USF3: variants seen among roughly 807,000 people sequenced by gnomAD.
USF3 encodes the protein basic helix-loop-helix domain-containing protein USF3.
Under a neutral mutation model 157.5 loss-of-function variants are expected in USF3, and 29 were observed. The ratio of observed to expected loss-of-function variants is 0.18; its 90% confidence interval spans 0.14 to 0.25. The LOEUF (loss-of-function observed/expected upper bound fraction) is 0.25, where lower values mean the gene tolerates loss of function less well. Ranked by LOEUF, USF3 falls within the 10% of genes least tolerant of loss-of-function variation. USF3 has a pLI of 1.00. For synonymous variants in USF3, 893 were observed against 941.4 expected, an observed-to-expected ratio of 0.95 and a Z score of 0.94; for missense variants, 2,381 against 2,667.6, an observed-to-expected ratio of 0.89 and a Z score of 2.37.
At chr3:113,693,772 G>GT (rs941347996) in intron 1 of USF3, among the ~76,000 whole-genome samples, 2 of 152,218 alleles carry the variant, frequency 1.3e-5, no homozygotes, top group African/African-American at 4.8e-5. Context: ...AAGAACTAGA[G>GT]TAAGCTATCC....
Position 113,659,429 on chromosome 3 carries a change from AAC to A in USF3, c.2251_2252del (p.Val751PhefsTer14), listed in dbSNP as rs1356576183. ...GAGGTGCTGCAGTTGTTGTTAATGAAACACAGTTAGCTGTAGTGGTTTGACTA... is the reference window on the plus strand; with the variant it reads ...GAGGTGCTGCAGTTGTTGTTAATGAAACAGTTAGCTGTAGTGGTTTGACTA... ...ANSQTTTANC[V>X]SLTTTAAPPV... On this transcript the variant is annotated frameshift_variant, in exon 7 of 7. Coordinates refer to ENST00000316407, the MANE Select transcript of USF3 (RefSeq NM_001009899.4). LOFTEE classifies it high-confidence loss of function. 1 of 1,614,232 alleles carries A rather than the reference AAC, an allele frequency of 6.2e-7. No homozygotes were observed. Among genetic ancestry groups the A allele is most frequent in the Admixed American group, 1.7e-5 (1 of 60,030 alleles).
intron 5 of USF3, among the ~76,000 whole-genome samples, chr3:113,667,443 T>C (rs1246559661): frequency 6.6e-6 from 1 of 152,230 alleles, no homozygotes; most frequent in Non-Finnish European, 1.5e-5. Context: ...AAGTAAGATT[T>C]TCCTGGGCAA....
intron 1 of USF3, among the ~76,000 whole-genome samples, chr3:113,688,944 T>A (rs1440296750): frequency 6.6e-6 from 1 of 152,088 alleles, no homozygotes; most frequent in Non-Finnish European, 1.5e-5. Context: ...GGCCGGAGAA[T>A]GGTATGAACC....
Position 113,657,080 on chromosome 3 carries a change from A to G in USF3, c.4602T>C (p.Ser1534=). The G allele has an allele frequency of 1.2e-6, 2 of 1,614,104 alleles. No individual in the cohort carries two copies. The highest frequency in any genetic ancestry group is 1.7e-6 in the Non-Finnish European group (2 of 1,180,026). ...GGTGCTTTGGTTGTAAGGAAAGCTGAGAGGTCTGGGTGCCCTGAACAAGAT... is the reference window on the plus strand; with the variant it reads ...GGTGCTTTGGTTGTAAGGAAAGCTGGGAGGTCTGGGTGCCCTGAACAAGAT... The part of the protein sequence containing the change: ...KRNLVQGTQT[S]QLSLQPKHHG... The change falls in exon 7 of 7, where the codon TCT becomes TCC. Residue 1534 remains serine (S), a synonymous_variant. Transcript: ENST00000316407.
intron 5 of USF3, among the ~76,000 whole-genome samples, chr3:113,665,471 C>T (rs746307236): frequency 2.0e-5 from 3 of 152,180 alleles, no homozygotes; most frequent in Non-Finnish European, 2.9e-5. Flanking sequence ...AAAGATTGTA[C>T]GTTATGTTAA....
intron 1 of USF3, among the ~76,000 whole-genome samples, chr3:113,679,009 G>GTCTCTCTCTCTCTC (rs373834496): frequency 1.2e-4 from 18 of 144,062 alleles, no homozygotes; most frequent in African/African-American, 2.3e-4. Context: ...CCAGGCTGGT[G>GTCTCTCTCTCTCTC]TCTCTCTCTC....
chr3:113,655,739 G>A lies in USF3; in HGVS notation c.5943C>T (p.Pro1981=), dbSNP rs1947344553. The change falls in exon 7 of 7, where the codon CCC becomes CCT. Residue 1981 remains proline, a synonymous_variant. Coordinates refer to ENST00000316407, the MANE Select transcript of USF3 (RefSeq NM_001009899.4). The stretch of plus-strand genomic sequence containing the variant: ...TTTTGGAACCACTGCTGTCTTGCAG[G>A]GGATGCCTTGATCTCTGGGGAACTG... The part of the protein sequence containing the change: ...NSSVPQRSRH[P]LQDSSGSKIR... The A allele has an allele frequency of 1.9e-6, 3 of 1,613,958 alleles. No homozygotes were observed. The highest frequency in any genetic ancestry group is 2.7e-5 in the African/African-American group (2 of 75,026).
At chr3:113,694,739 G>A (rs1707763460) in intron 1 of USF3, among the ~76,000 whole-genome samples, 1 of 152,172 alleles carries the variant, frequency 6.6e-6, no homozygotes, top group Non-Finnish European at 1.5e-5. Flanking sequence ...ATCTCATAAT[G>A]TTTTAAAAAG....
chr3:113,663,974 C>G (rs190864717), intron 6 of USF3, among the ~76,000 whole-genome samples: 2 of 152,188 alleles, frequency 1.3e-5, no homozygotes, highest in African/African-American at 2.4e-5. Flanking sequence ...AGAACTCCCC[C>G]CTTACATCTT....
At position 113,661,110 on chromosome 3, in the gene USF3, T is replaced by C. The variant is rs1275372819; in HGVS notation, c.572A>G (p.Asn191Ser). The C allele has an allele frequency of 3.1e-6, 5 of 1,614,036 alleles. No homozygotes were observed. The highest frequency in any genetic ancestry group is 4.2e-6 in the Non-Finnish European group (5 of 1,179,986). The change falls in exon 7 of 7, where the codon AAT (asparagine) becomes AGT (serine). Residue 191 changes from asparagine (N) to serine (S), a missense_variant. Physicochemically the swap from Asn to Ser is conservative, Grantham distance 46 (BLOSUM62 1). Coordinates refer to ENST00000316407, the MANE Select transcript of USF3 (RefSeq NM_001009899.4). ...AGAAATAGATACAGGAGTCACAAGATTGCAAGTCCTCTGTACTGGCACCAC... is the reference window on the plus strand; with the variant it reads ...AGAAATAGATACAGGAGTCACAAGACTGCAAGTCCTCTGTACTGGCACCAC... Reference protein sequence around the residue: ...ANVVPVQRTCNLVTPVSISGV... With the variant: ...ANVVPVQRTCSLVTPVSISGV...
intron 5 of USF3, among the ~76,000 whole-genome samples, chr3:113,669,621 T>C (rs1222564992): frequency 6.6e-6 from 1 of 151,792 alleles, no homozygotes; most frequent in Non-Finnish European, 1.5e-5. Context: ...TAATAATAAT[T>C]ATCCCTCATT....
Position 113,648,844 on chromosome 3 carries a change from T to C in USF3, c.*6100A>G, listed in dbSNP as rs868708380. 8.5e-5 allele frequency: 13 copies of C among 152,488 alleles called. No homozygotes were observed. The highest frequency in any genetic ancestry group is 3.1e-4 in the African/African-American group (13 of 41,418). The allele number at this position is 152,488 out of a possible 1,614,324, so 9.4% of individuals were successfully genotyped here. A position where few individuals can be genotyped will look rare whatever the true frequency, so the allele number is the denominator to read the frequency against. On this transcript the variant is annotated 3_prime_UTR_variant, in exon 7 of 7. Transcript: ENST00000316407. ...TAAATAATTTGTGAAGGTAATTATG[T>C]TCTCCTCAGATTTTTCAACTTTTTT...
At chr3:113,675,349 A>C (rs1707257243) in intron 2 of USF3, among the ~76,000 whole-genome samples, 1 of 152,230 alleles carries the variant, frequency 6.6e-6, no homozygotes, top group South Asian at 2.1e-4. Flanking sequence ...GAGCACAAAC[A>C]TGTAATATTC....
intron 2 of USF3, 68 bp downstream of exon 2, chr3:113,677,214 A>G (rs1707301917): frequency 6.6e-6 from 1 of 152,212 alleles, no homozygotes. Context: ...CACATTAGGT[A>G]AACATATGGT....
chr3:113,672,574 T>C (rs922852428), intron 4 of USF3, among the ~76,000 whole-genome samples: 2 of 152,066 alleles, frequency 1.3e-5, no homozygotes, highest in African/African-American at 4.8e-5. Context: ...ATAATAGTAT[T>C]TGTTGGTTTC....
chr3:113,690,715 C>T (rs1415521937), intron 1 of USF3, among the ~76,000 whole-genome samples: 1 of 152,162 alleles, frequency 6.6e-6, no homozygotes. Flanking sequence ...CCTTTAAAGT[C>T]CGGTGCAAGT....
At chr3:113,683,670 T>C (rs779114430) in intron 1 of USF3, among the ~76,000 whole-genome samples, 3 of 152,102 alleles carry the variant, frequency 2.0e-5, no homozygotes, top group Non-Finnish European at 4.4e-5. Flanking sequence ...GGTTTCACCA[T>C]GTTGGCCAGG....
In USF3 at chr3:113,651,863, A is replaced by T. The variant is rs1404671693; in HGVS notation, c.*3081T>A. On this transcript the variant is annotated 3_prime_UTR_variant, in exon 7 of 7. Coordinates refer to ENST00000316407, the MANE Select transcript of USF3 (RefSeq NM_001009899.4). ...TAAGGCTTATTGAGACTCTTTCAAG[A>T]TCAAAATGTTAGACTGTTGGAATGA... The T allele has an allele frequency of 6.6e-6, 1 of 152,218 alleles. No individual in the cohort carries two copies. Among genetic ancestry groups the T allele is most frequent in the Non-Finnish European group, 1.5e-5 (1 of 68,036 alleles). The allele number at this position is 152,218 out of a possible 1,614,324, so 9.4% of individuals were successfully genotyped here.
At chr3:113,661,592 A>G (rs1470670753) in intron 6 of USF3, among the ~76,000 whole-genome samples, 167 bp from the exon 7 acceptor site, 1 of 152,086 alleles carries the variant, frequency 6.6e-6, no homozygotes, top group Non-Finnish European at 1.5e-5. Flanking sequence ...TTCTTTTTAG[A>G]ATGATATCTT....
Sources: gnomAD v4.1 joint callset for allele counts (sites outside exome capture counted in the v4.1 genomes callset) on GRCh38, gnomAD v4.1.1 for gene constraint, MANE v1.5 for transcripts, NCBI Gene and HGNC (gene_info 2026-07-23, HGNC 2026-07-21) for gene names.